SIPA1L1: variants seen among roughly 807,000 people sequenced by gnomAD.
The protein encoded by SIPA1L1 is signal induced proliferation associated 1 like 1.
In SIPA1L1, 26 loss-of-function variants were observed where a neutral mutation model predicts 162.7. The observed-to-expected ratio is 0.16, with a 90% CI of 0.12 to 0.22. The LOEUF is 0.22. SIPA1L1 is among the 10% of genes least tolerant of loss of function. The pLI is 1.00. For synonymous variants in SIPA1L1, 829 were observed against 837.4 expected, an observed-to-expected ratio of 0.99 and a Z score of 0.17; for missense variants, 1,874 against 2,241.0, an observed-to-expected ratio of 0.84 and a Z score of 3.31.
intron 4 of SIPA1L1, among the ~76,000 whole-genome samples, chr14:71,554,086 T>C (rs1489119821): frequency 6.6e-6 from 1 of 152,230 alleles, no homozygotes; most frequent in East Asian, 1.9e-4. Flanking sequence ...ACCTGTAGCA[T>C]CTTCTGTTAG....
chr14:71,704,393 T>G (rs1322282658), intron 15 of SIPA1L1, among the ~76,000 whole-genome samples: 1 of 152,242 alleles, frequency 6.6e-6, no homozygotes. Context: ...GGCATCAGTG[T>G]GTTATCAACA....
At chr14:71,425,711 A>T (rs2043509770) in intron 2 of SIPA1L1, among the ~76,000 whole-genome samples, 1 of 152,040 alleles carries the variant, frequency 6.6e-6, no homozygotes, top group Non-Finnish European at 1.5e-5. Flanking sequence ...TATACCTGTT[A>T]GTTCAGTTGG....
chr14:71,695,319 A>G (rs1056150638), intron 13 of SIPA1L1, among the ~76,000 whole-genome samples: 7 of 152,242 alleles, frequency 4.6e-5, no homozygotes, highest in East Asian at 3.8e-4. Context: ...CAAAGCCACT[A>G]TTGAGTTATA....
At position 71,709,717 on chromosome 14, in the gene SIPA1L1, C is replaced by T. The variant is rs2082725807; in HGVS notation, c.4208+53C>T. 2.7e-6 allele frequency: 4 copies of T among 1,498,994 alleles called. No homozygotes were observed. The South Asian group carries it at 5.0e-5, about 19-fold the overall frequency. 92.9% of individuals were successfully genotyped at this position (1,498,994 alleles called of 1,614,324 possible). ...CCCAGCCCAGACCTAAGCCCAGTTCCCTGGCCTCAGCCCACTTTACTTTGC... is the reference window on the plus strand; with the variant it reads ...CCCAGCCCAGACCTAAGCCCAGTTCTCTGGCCTCAGCCCACTTTACTTTGC... On this transcript the variant is annotated intron_variant, in intron 17 of 23. Coordinates refer to ENST00000381232, the MANE Select transcript of SIPA1L1 (RefSeq NM_001386936.1).
chr14:71,608,531 T>C (rs1204397099), intron 5 of SIPA1L1, among the ~76,000 whole-genome samples: 1 of 152,152 alleles, frequency 6.6e-6, no homozygotes, highest in Non-Finnish European at 1.5e-5. Flanking sequence ...TGCATTAATA[T>C]GCAACTTTTA....
chr14:71,402,941 G>A (rs1459739643), intron 2 of SIPA1L1, among the ~76,000 whole-genome samples: 3 of 151,978 alleles, frequency 2.0e-5, no homozygotes, highest in Admixed American at 6.6e-5. Flanking sequence ...TATAACTGCC[G>A]CTGTCCCCCT....
At chr14:71,658,483 C>A in intron 9 of SIPA1L1, 47 bp downstream of exon 9, 1 of 1,208,450 alleles carries the variant, frequency 8.3e-7, no homozygotes, top group Non-Finnish European at 1.2e-6. Context: ...GTTTCATTTC[C>A]TCTAGAAGCC....
chr14:71,365,693 T>C (rs2038219176), intron 2 of SIPA1L1, among the ~76,000 whole-genome samples: 1 of 152,132 alleles, frequency 6.6e-6, no homozygotes, highest in African/African-American at 2.4e-5. Flanking sequence ...ACATGGTTTT[T>C]AACATTTTTT....
chr14:71,659,944 G>GA (rs142274474), intron 9 of SIPA1L1, among the ~76,000 whole-genome samples: 12 of 148,346 alleles, frequency 8.1e-5, no homozygotes, highest in Middle Eastern at 7.0e-3. Flanking sequence ...TTTATGCTTG[G>GA]AAAAAAAAAC....
intron 2 of SIPA1L1, chr14:71,321,394 C>G (rs772792522): frequency 6.6e-6 from 1 of 152,294 alleles, no homozygotes; most frequent in East Asian, 1.9e-4. Flanking sequence ...CGCGCACGCA[C>G]CCCAGAACCC....
intron 19 of SIPA1L1, among the ~76,000 whole-genome samples, chr14:71,725,086 T>C (rs1285385236): frequency 6.6e-6 from 1 of 152,262 alleles, no homozygotes; most frequent in Non-Finnish European, 1.5e-5. Context: ...ATTCTTCTGC[T>C]GTGTCCTGCT....
intron 5 of SIPA1L1, among the ~76,000 whole-genome samples, chr14:71,606,534 G>T (rs1404413689): frequency 6.6e-6 from 1 of 152,118 alleles, no homozygotes; most frequent in Non-Finnish European, 1.5e-5. Flanking sequence ...AGGGTATGTT[G>T]GACCAATTGT....
At chr14:71,406,875 C>T (rs541394818) in intron 2 of SIPA1L1, among the ~76,000 whole-genome samples, 1 of 152,306 alleles carries the variant, frequency 6.6e-6, no homozygotes, top group East Asian at 1.9e-4. Flanking sequence ...TTGAGATATT[C>T]TTTGGGATAA....
intron 2 of SIPA1L1, among the ~76,000 whole-genome samples, chr14:71,486,962 C>T (rs1449168421): frequency 6.6e-6 from 1 of 152,148 alleles, no homozygotes; most frequent in East Asian, 1.9e-4. Context: ...AGAGGCCCTT[C>T]TTTAGATAGA....
At chr14:71,346,583 G>T (rs756267853) in intron 2 of SIPA1L1, among the ~76,000 whole-genome samples, 3 of 152,182 alleles carry the variant, frequency 2.0e-5, no homozygotes, top group Non-Finnish European at 4.4e-5. Context: ...AACAAAAATT[G>T]TGATTGTATG....
intron 4 of SIPA1L1, among the ~76,000 whole-genome samples, chr14:71,533,215 A>C (rs2053598867): frequency 1.3e-5 from 2 of 152,230 alleles, no homozygotes; most frequent in Non-Finnish European, 1.5e-5. Flanking sequence ...TTAAAAAATC[A>C]AATCAAAAGT....
chr14:71,341,187 T>C (rs1012688002), intron 2 of SIPA1L1, among the ~76,000 whole-genome samples: 1 of 152,122 alleles, frequency 6.6e-6, no homozygotes, highest in African/African-American at 2.4e-5. Flanking sequence ...CTAGGTGAAA[T>C]GTGAATATAT....
chr14:71,343,655 G>C (rs984389479), intron 2 of SIPA1L1, among the ~76,000 whole-genome samples: 3 of 152,120 alleles, frequency 2.0e-5, no homozygotes, highest in African/African-American at 7.2e-5. Context: ...AAAACAAGCA[G>C]AACAGAGCTC....
At chr14:71,389,816 A>G (rs977416993) in intron 2 of SIPA1L1, among the ~76,000 whole-genome samples, 1 of 152,194 alleles carries the variant, frequency 6.6e-6, no homozygotes, top group African/African-American at 2.4e-5. Flanking sequence ...TCTGACATGC[A>G]GACTGTCAGT....
Sources: gnomAD v4.1 joint callset for allele counts (sites outside exome capture counted in the v4.1 genomes callset) on GRCh38, gnomAD v4.1.1 for gene constraint, MANE v1.5 for transcripts, NCBI Gene and HGNC (gene_info 2026-07-23, HGNC 2026-07-21) for gene names.